TJP1: variants seen among roughly 807,000 people sequenced by gnomAD.
TJP1 encodes the protein tight junction protein 1, also known as tight junction protein ZO-1.
Under a neutral mutation model 194.2 loss-of-function variants are expected in TJP1, and 43 were observed. The observed-to-expected ratio is 0.22, with a 90% CI of 0.17 to 0.29. TJP1 has a LOEUF of 0.29. Ranked by LOEUF, TJP1 falls within the 10% of genes least tolerant of loss-of-function variation. The probability of loss-of-function intolerance (pLI) is 1.00; values close to 1 mark genes in which losing one functional copy is unlikely to be tolerated. For synonymous variants in TJP1, 801 were observed against 779.0 expected (o/e 1.03, Z -0.47); for missense variants, 1,971 against 2,185.7 (o/e 0.90, Z 1.96).
At chr15:29,914,863 T>C (rs200129275) in intron 2 of TJP1, among the ~76,000 whole-genome samples, 3 of 146,498 alleles carry the variant, frequency 2.0e-5, no homozygotes, top group Admixed American at 6.7e-5. Context: ...CACACACACA[T>C]ACACACACAC....
chr15:29,820,266 C>G (rs2050236994), intron 1 of TJP1, among the ~76,000 whole-genome samples: 1 of 151,044 alleles, frequency 6.6e-6, no homozygotes, highest in African/African-American at 2.4e-5. Context: ...TAATCACCTT[C>G]AAAAATTAAA....
upstream of TJP1, chr15:29,824,104 AAAAAAAAAAAAAATG>A (rs2050594500): frequency 7.0e-6 from 1 of 141,870 alleles, no homozygotes; most frequent in Admixed American, 7.5e-5. Flanking sequence ...AAAAAAAAAA[AAAAAAAAAAAAAATG>A]GTGGCCAGGC....
At chr15:29,930,492 A>C (rs1479607306) in intron 2 of TJP1, among the ~76,000 whole-genome samples, 2 of 152,234 alleles carry the variant, frequency 1.3e-5, no homozygotes, top group African/African-American at 4.8e-5. Flanking sequence ...TTATCATCTT[A>C]ACAGGTACAG....
intron 8 of TJP1, among the ~76,000 whole-genome samples, chr15:29,749,137 G>A (rs2045059772): frequency 1.3e-5 from 2 of 150,926 alleles, no homozygotes; most frequent in South Asian, 2.1e-4. Flanking sequence ...AGGGTAAGAC[G>A]AGTTTCTGTT....
At chr15:29,826,507 CAG>C (rs1381985008), upstream of TJP1, among the ~76,000 whole-genome samples, 1 of 152,202 alleles carries the variant, frequency 6.6e-6, no homozygotes. Flanking sequence ...ATAGAGAAAA[CAG>C]ACATTAAGGA....
chr15:29,803,710 T>C (rs940500655), intron 1 of TJP1, among the ~76,000 whole-genome samples: 2 of 152,154 alleles, frequency 1.3e-5, no homozygotes, highest in Admixed American at 1.3e-4. Context: ...AAGGTCTTAA[T>C]GTACAGTCTC....
At position 29,848,169 on chromosome 15, in the gene TJP1, GA is replaced by G. The variant is rs966372517; in HGVS notation, c.307-47468del. Reference sequence around the variant, plus strand: ...CTTGGTGAATGTTCCATGAGTGCTTGAAAAAAAAAAAGTTTCTGCTGAGGGT... The same window carrying G: ...CTTGGTGAATGTTCCATGAGTGCTTGAAAAAAAAAAGTTTCTGCTGAGGGT... On this transcript the variant is annotated intron_variant, in intron 2 of 28. Transcript: ENST00000356107. 3.6e-3 allele frequency among the ~76,000 whole-genome samples: 522 copies of G among 145,882 alleles called. 2 individuals carry two copies. Among genetic ancestry groups the G allele is most frequent in the African/African-American group, 0.012 (478 of 39,930 alleles).
chr15:29,924,657 C>G (rs910903195), intron 2 of TJP1, among the ~76,000 whole-genome samples: 1 of 152,156 alleles, frequency 6.6e-6, no homozygotes, highest in Non-Finnish European at 1.5e-5. Context: ...GAGCCACTGT[C>G]TTGGTGTAAT....
intron 2 of TJP1, among the ~76,000 whole-genome samples, chr15:29,851,771 A>G (rs1252994822): frequency 6.6e-6 from 1 of 152,258 alleles, no homozygotes; most frequent in Non-Finnish European, 1.5e-5. Context: ...GAACCCAGAA[A>G]TAATCCTATG....
chr15:29,711,934 G>C (rs190398180), intron 23 of TJP1, among the ~76,000 whole-genome samples: 6 of 152,288 alleles, frequency 3.9e-5, no homozygotes, highest in East Asian at 1.9e-4. Context: ...TGAGTTACCA[G>C]GTCCATTTTT....
chr15:29,769,447 T>G (rs1370220339), intron 4 of TJP1, among the ~76,000 whole-genome samples: 1 of 152,190 alleles, frequency 6.6e-6, no homozygotes, highest in Non-Finnish European at 1.5e-5. Context: ...AAAATTATTC[T>G]AAACATTAAC....
chr15:29,908,415 C>T (rs1167602912), intron 2 of TJP1, among the ~76,000 whole-genome samples: 9 of 152,156 alleles, frequency 5.9e-5, no homozygotes, highest in Non-Finnish European at 1.2e-4. Context: ...AAATTTCCAA[C>T]CTAGAATGCT....
rs924681010 is a variant in TJP1 at position 29,822,254 on chromosome 15, G to C, written c.-226C>G. On this transcript the variant is annotated 5_prime_UTR_variant, in exon 1 of 28. Coordinates refer to ENST00000614355, the MANE Select transcript of TJP1 (RefSeq NM_001330239.4). ...CTTCTCCACGGGGCGCGCCCGACCG[G>C]CACCTCCCTCCGAGCGCGGCCACCC... 190 of 1,168,658 alleles carry C rather than the reference G, an allele frequency of 1.6e-4. No homozygotes were observed. In the South Asian group the frequency reaches 7.4e-3, roughly 46 times the overall value. 72.4% of individuals were successfully genotyped at this position (1,168,658 alleles called of 1,614,324 possible).
At chr15:29,817,919 T>C (rs1014048242) in intron 1 of TJP1, among the ~76,000 whole-genome samples, 9 of 151,788 alleles carry the variant, frequency 5.9e-5, no homozygotes, top group Non-Finnish European at 1.3e-4. Context: ...AAAACTTAGA[T>C]GATGGGTTCA....
intron 4 of TJP1, among the ~76,000 whole-genome samples, chr15:29,769,267 T>A (rs1293955766): frequency 6.6e-6 from 1 of 152,186 alleles, no homozygotes; most frequent in Non-Finnish European, 1.5e-5. Flanking sequence ...AATCCACTTG[T>A]GATTTAAAAT....
chr15:29,912,525 T>C (rs1197827503), intron 2 of TJP1, among the ~76,000 whole-genome samples: 2 of 151,784 alleles, frequency 1.3e-5, no homozygotes, highest in Admixed American at 6.6e-5. Flanking sequence ...CTGGCCAACA[T>C]AGTGAAACCA....
chr15:29,815,841 AAG>A (rs2049874201), intron 1 of TJP1, among the ~76,000 whole-genome samples: 1 of 152,238 alleles, frequency 6.6e-6, no homozygotes, highest in African/African-American at 2.4e-5. Context: ...AAAGAGATTA[AAG>A]AGCAAGTAAA....
chr15:29,735,982 CAG>C (rs1476184205), intron 11 of TJP1, among the ~76,000 whole-genome samples: 4 of 152,174 alleles, frequency 2.6e-5, no homozygotes, highest in African/African-American at 4.8e-5. Context: ...GCAAGAGAAG[CAG>C]AGAGTTACCA....
intron 2 of TJP1, among the ~76,000 whole-genome samples, chr15:29,949,543 C>T (rs1567225301): frequency 6.2e-5 from 9 of 144,932 alleles, no homozygotes; most frequent in Non-Finnish European, 1.2e-4. Context: ...CCACCACCAC[C>T]ACCTCCACAA....
Sources: allele counts gnomAD v4.1 joint callset (sites outside exome capture counted in the v4.1 genomes callset), GRCh38; gene constraint gnomAD v4.1.1; transcripts MANE v1.5; gene names NCBI Gene and HGNC (gene_info 2026-07-23, HGNC 2026-07-21).